Variants in GTF2IRD1 observed in about 807,000 individuals in gnomAD.
The protein encoded by GTF2IRD1 is GTF2I repeat domain containing 1, also known as general transcription factor II-I repeat domain-containing protein 1.
A neutral mutation model predicts 113.2 loss-of-function variants in GTF2IRD1; 26 were observed. The observed-to-expected ratio is 0.23, with a 90% confidence interval of 0.17 to 0.32. The LOEUF (loss-of-function observed/expected upper bound fraction) is 0.32. Among genes scored for constraint, GTF2IRD1 ranks in the 10% least tolerant of loss-of-function variants. The probability of loss-of-function intolerance (pLI) is 1.00; values close to 1 mark genes in which losing one functional copy is unlikely to be tolerated. For missense variants in GTF2IRD1, 864 were observed against 1,280.8 expected, an observed-to-expected ratio of 0.67 and a Z score of 4.97; for synonymous variants, 484 against 529.1, an observed-to-expected ratio of 0.91 and a Z score of 1.17.
At chr7:74,524,274 C>A in intron 8 of GTF2IRD1, 120 bp downstream of exon 8, 1 of 642,294 alleles carries the variant, frequency 1.6e-6, no homozygotes. Context: ...TCCCGCGCGC[C>A]GGCACCGCTA....
intron 1 of GTF2IRD1, among the ~76,000 whole-genome samples, chr7:74,498,380 C>T (rs1554338603): frequency 2.0e-5 from 3 of 152,158 alleles, no homozygotes; most frequent in Non-Finnish European, 4.4e-5. Context: ...CAAATATTTT[C>T]ACCCATTCTG....
At chr7:74,511,636 A>C (rs1295822354) in intron 2 of GTF2IRD1, among the ~76,000 whole-genome samples, 1 of 152,070 alleles carries the variant, frequency 6.6e-6, no homozygotes, top group East Asian at 1.9e-4. Flanking sequence ...AACCAGAGCG[A>C]CTCCAGGCTG....
chr7:74,509,287 G>A (rs1796482288), intron 2 of GTF2IRD1, among the ~76,000 whole-genome samples: 1 of 152,102 alleles, frequency 6.6e-6, no homozygotes, highest in Non-Finnish European at 1.5e-5. Flanking sequence ...AACCCTGGAA[G>A]TGGAGGTTGC....
At chr7:74,509,316 C>A (rs1796483897) in intron 2 of GTF2IRD1, among the ~76,000 whole-genome samples, 1 of 151,952 alleles carries the variant, frequency 6.6e-6, no homozygotes, top group African/African-American at 2.4e-5. Flanking sequence ...GAGATAGCAC[C>A]ACTGCACTCC....
At chr7:74,552,645 T>C (rs1202213420) in intron 17 of GTF2IRD1, among the ~76,000 whole-genome samples, 1 of 152,210 alleles carries the variant, frequency 6.6e-6, no homozygotes, top group Admixed American at 6.5e-5. Flanking sequence ...TTGTTTTTAT[T>C]TTTGTTTTTG....
chr7:74,545,666 G>A (rs1220226810), intron 15 of GTF2IRD1, 78 bp from the exon 16 acceptor site: 1 of 960,426 alleles, frequency 1.0e-6, no homozygotes, highest in Non-Finnish European at 1.7e-6. Flanking sequence ...CAGGGCCAAT[G>A]TTGGTACCAG....
chr7:74,533,373 G>A lies in GTF2IRD1; in HGVS notation c.1275-1740G>A, dbSNP rs373342295. 3.9e-4 allele frequency among the ~76,000 whole-genome samples: 60 copies of A among 152,234 alleles called. No homozygotes were observed. In the East Asian group the frequency reaches 0.01, roughly 27 times the overall value. ...TGGTCTCAAACTCCTGACCTCAGGT[G>A]ATCCACCTGCCTGGGCTTCCCAAAG... On this transcript the variant is annotated intron_variant, in intron 9 of 26. Transcript: ENST00000424337.
At chr7:74,471,672 T>TAAAAAAAAA (rs66929736) in intron 1 of GTF2IRD1, among the ~76,000 whole-genome samples, 3 of 104,682 alleles carry the variant, frequency 2.9e-5, no homozygotes, top group Non-Finnish European at 3.7e-5. Context: ...TTGAAATATT[T>TAAAAAAAAA]AAAAAAAAAA....
intron 22 of GTF2IRD1, among the ~76,000 whole-genome samples, chr7:74,575,319 A>G (rs1554364189): frequency 6.6e-6 from 1 of 152,194 alleles, no homozygotes; most frequent in Non-Finnish European, 1.5e-5. Context: ...AAAGCCCCTG[A>G]GGTCACCTGC....
At chr7:74,530,560 G>A (rs1241249798) in intron 9 of GTF2IRD1, among the ~76,000 whole-genome samples, 5 of 101,902 alleles carry the variant, frequency 4.9e-5, no homozygotes, top group Non-Finnish European at 7.4e-5. Context: ...TGCATAGCCT[G>A]AGTGTCAGAG....
chr7:74,536,229 G>A lies in GTF2IRD1; in HGVS notation c.1363G>A (p.Ala455Thr). The change falls in exon 11 of 27, where the codon GCA becomes ACA. Residue 455 changes from alanine (A) to threonine (T), a missense_variant. Ala to Thr is a moderately conservative substitution (Grantham distance 58, BLOSUM62 0). Coordinates refer to ENST00000424337, the MANE Select transcript of GTF2IRD1 (RefSeq NM_005685.4). ...AGCCAGCCCGCCAGAGGACACCTCT[G>A]CAGAGGTCTCTAGGGCCACCGTCCT... is the stretch of plus-strand genomic sequence containing the variant. ...EPASPPEDTS[A>T]EVSRATVLDL... The A allele has an allele frequency of 6.2e-7, 1 of 1,613,630 alleles. No homozygotes were observed. Among genetic ancestry groups the A allele is most frequent in the East Asian group, 2.2e-5 (1 of 44,872 alleles).
intron 1 of GTF2IRD1, among the ~76,000 whole-genome samples, chr7:74,485,583 G>A (rs1354000110): frequency 6.6e-6 from 1 of 151,028 alleles, no homozygotes; most frequent in African/African-American, 2.4e-5. Flanking sequence ...TGCCACTGCA[G>A]TCTGGCCTGG....
At position 74,538,138 on chromosome 7, in the gene GTF2IRD1, C is replaced by T. The variant is rs1798410740; in HGVS notation, c.1412C>T (p.Ser471Leu). 6.2e-7 allele frequency: 1 copy of T among 1,612,040 alleles called. No homozygotes were observed. Among genetic ancestry groups the T allele is most frequent in the Admixed American group, 1.7e-5 (1 of 59,992 alleles). The change falls in exon 12 of 27, where the codon TCA becomes TTA. Residue 471 changes from serine (S) to leucine (L), a missense_variant and splice_region_variant. Ser to Leu is a moderately radical substitution (Grantham distance 145). Transcript: ENST00000424337. The part of the protein sequence containing the change: ...TVLDLAGNAR[S>L]DKGSMSEDCG... ...TCATTTCCTGCTTCCCTTCACAGGT[C>T]AGACAAGGGCAGCATGTCTGAAGAC... is the stretch of plus-strand genomic sequence containing the variant.
intron 8 of GTF2IRD1, among the ~76,000 whole-genome samples, chr7:74,526,057 T>C (rs1797576723): frequency 6.6e-6 from 1 of 152,266 alleles, no homozygotes; most frequent in African/African-American, 2.4e-5. Flanking sequence ...AAGGGCTGTC[T>C]GCACCTGCCC....
intron 22 of GTF2IRD1, among the ~76,000 whole-genome samples, chr7:74,580,150 T>C (rs1175610831): frequency 1.3e-5 from 2 of 152,142 alleles, no homozygotes; most frequent in Non-Finnish European, 1.5e-5. Flanking sequence ...AACCTGAATG[T>C]AGCTTTTTTA....
chr7:74,587,784 C>T (rs1260318003), intron 22 of GTF2IRD1, among the ~76,000 whole-genome samples: 11 of 152,184 alleles, frequency 7.2e-5, no homozygotes, highest in African/African-American at 2.7e-4. Context: ...GCCCCATCTC[C>T]AGGGCTAACT....
chr7:74,518,427 C>T (rs1304939312), intron 5 of GTF2IRD1, 105 bp downstream of exon 5: 1 of 841,162 alleles, frequency 1.2e-6, no homozygotes, highest in East Asian at 2.7e-5. Context: ...CTTGAGATGC[C>T]CGTGGGGGAC....
chr7:74,503,949 C>G (rs983836815), intron 1 of GTF2IRD1, among the ~76,000 whole-genome samples: 1 of 152,024 alleles, frequency 6.6e-6, no homozygotes, highest in Non-Finnish European at 1.5e-5. Context: ...TCTGTCATTC[C>G]CATCTTTATG....
In GTF2IRD1 at chr7:74,543,307, AAG is replaced by A. The variant is rs587701329; in HGVS notation, c.1619-1446_1619-1445del. ...ACAAGAGCGAAACTCTGTCTAGAAAAAGAAAAAAAAAGAAAAAGAAAATTCTG... is the reference window on the plus strand; with the variant it reads ...ACAAGAGCGAAACTCTGTCTAGAAAAAAAAAAAAAGAAAAAGAAAATTCTG... On this transcript the variant is annotated intron_variant, in intron 14 of 26. Coordinates refer to ENST00000424337, the MANE Select transcript of GTF2IRD1 (RefSeq NM_005685.4). Among the ~76,000 whole-genome samples, 22 of 151,374 alleles carry A rather than the reference AAG, an allele frequency of 1.5e-4. No homozygotes were observed. In the East Asian group the frequency reaches 4.3e-3, roughly 29 times the overall value.
Sources: allele counts gnomAD v4.1 joint callset (sites outside exome capture counted in the v4.1 genomes callset), GRCh38; gene constraint gnomAD v4.1.1; transcripts MANE v1.5; gene names NCBI Gene and HGNC (gene_info 2026-07-23, HGNC 2026-07-21).